NKAIN3: variants seen among roughly 807,000 people sequenced by gnomAD.
The protein encoded by NKAIN3 is sodium/potassium transporting ATPase interacting 3, also known as sodium/potassium-transporting ATPase subunit beta-1-interacting protein 3.
NKAIN3 carries 25 observed loss-of-function variants against 30.2 expected under a neutral mutation model. The ratio of observed to expected loss-of-function variants is 0.83; its 90% confidence interval spans 0.60 to 1.16. The LOEUF (loss-of-function observed/expected upper bound fraction) is 1.16. Ranked by LOEUF, NKAIN3 falls within the 50% of genes most tolerant of loss-of-function variation. The pLI is 0.00. For missense variants in NKAIN3, 225 were observed against 254.1 expected (o/e 0.89, Z 0.78); for synonymous variants, 91 against 89.6 (o/e 1.02, Z -0.09).
Position 62,975,032 on chromosome 8 carries a change from G to C in NKAIN3, c.*9625G>C, listed in dbSNP as rs1231229978. ...AAGCTGACTTGATCATGGTGGGTAAGCTTTTTAATGTACTGCTGCATTTCT... is the reference window on the plus strand; with the variant it reads ...AAGCTGACTTGATCATGGTGGGTAACCTTTTTAATGTACTGCTGCATTTCT... On this transcript the variant is annotated 3_prime_UTR_variant, in exon 7 of 7. Coordinates refer to ENST00000623646, the MANE Select transcript of NKAIN3 (RefSeq NM_001304533.3). 1.3e-5 allele frequency among the ~76,000 whole-genome samples: 2 copies of C among 152,162 alleles called. No individual in the cohort carries two copies. The highest frequency in any genetic ancestry group is 2.4e-5 in the African/African-American group (1 of 41,440).
At chr8:62,690,409 C>T (rs1425349808) in intron 3 of NKAIN3, among the ~76,000 whole-genome samples, 1 of 152,240 alleles carries the variant, frequency 6.6e-6, no homozygotes, top group East Asian at 1.9e-4. Flanking sequence ...ATCACCCTCC[C>T]TCTGTGAATA....
intron 1 of NKAIN3, among the ~76,000 whole-genome samples, chr8:62,569,784 A>AAAAAT (rs1216940557): frequency 2.0e-5 from 3 of 150,712 alleles, no homozygotes; most frequent in Admixed American, 1.3e-4. Flanking sequence ...AAAAAAAAAA[A>AAAAAT]AAGCCTACTT....
intron 3 of NKAIN3, among the ~76,000 whole-genome samples, chr8:62,622,916 A>G (rs149738669): frequency 1.3e-5 from 2 of 151,956 alleles, no homozygotes; most frequent in Admixed American, 6.6e-5. Flanking sequence ...ATTTAAGTCC[A>G]TGATCCATTT....
At chr8:62,753,896 G>A (rs939497993) in intron 4 of NKAIN3, among the ~76,000 whole-genome samples, 2 of 152,064 alleles carry the variant, frequency 1.3e-5, no homozygotes, top group African/African-American at 4.8e-5. Context: ...ACAATTTATA[G>A]TACATCAACT....
Position 62,318,819 on chromosome 8 carries a change from C to G in NKAIN3, c.54+69692C>G, listed in dbSNP as rs1401390724. Among the ~76,000 whole-genome samples the G allele has an allele frequency of 4.6e-5, 7 of 152,230 alleles. No homozygotes were observed. The East Asian group carries it at 7.7e-4, about 17-fold the overall frequency. On this transcript the variant is annotated intron_variant, in intron 1 of 6. Transcript: ENST00000623646. ...CTTTTTTTGTTGTGTCTCTGCCAGG[C>G]TTTGGTATCAGGATGATGCTGGCCT...
In NKAIN3 at chr8:62,984,080, T is replaced by C. The variant is rs1487064117; in HGVS notation, c.*18673T>C. ...TCTTTGGGTTTTTCATTATTGTTTC[T>C]AAAAACTAGATATTATTGCTTTATT... On this transcript the variant is annotated 3_prime_UTR_variant, in exon 7 of 7. Transcript: ENST00000623646. 1 of 152,236 alleles carries C rather than the reference T, an allele frequency of 6.6e-6. No homozygotes were observed. The highest frequency in any genetic ancestry group is 1.5e-5 in the Non-Finnish European group (1 of 68,042). The allele number at this position is 152,236 out of a possible 1,614,324, so 9.4% of individuals were successfully genotyped here.
intron 1 of NKAIN3, 117 bp downstream of exon 1, chr8:62,249,244 C>G (rs566684373): frequency 1.8e-5 from 15 of 833,462 alleles, no homozygotes; most frequent in Middle Eastern, 3.5e-4. Context: ...ACAGGGCGCT[C>G]CGCCCGCCTC....
chr8:62,368,052 C>T (rs1279652855), intron 1 of NKAIN3, among the ~76,000 whole-genome samples: 1 of 152,114 alleles, frequency 6.6e-6, no homozygotes, highest in Non-Finnish European at 1.5e-5. Flanking sequence ...AGCTCAGCAA[C>T]ACTATGAAAG....
chr8:62,886,498 C>G (rs1821152116), intron 4 of NKAIN3, among the ~76,000 whole-genome samples: 2 of 152,138 alleles, frequency 1.3e-5, no homozygotes, highest in South Asian at 4.1e-4. Context: ...TTTCTCTAAC[C>G]TATATTACTT....
chr8:62,585,817 C>A (rs894591376), intron 2 of NKAIN3, among the ~76,000 whole-genome samples: 2 of 152,132 alleles, frequency 1.3e-5, no homozygotes, highest in South Asian at 4.1e-4. Context: ...GCAGTGAAAT[C>A]ATATTTACCC....
At chr8:62,648,712 T>C (rs1812540377) in intron 3 of NKAIN3, among the ~76,000 whole-genome samples, 1 of 152,182 alleles carries the variant, frequency 6.6e-6, no homozygotes. Context: ...TTGCCTCTCA[T>C]TGATCAACAT....
rs997969082 is a variant in NKAIN3, at chr8:62,970,185, A to C, written c.*4778A>C. Among the ~76,000 whole-genome samples the C allele has an allele frequency of 6.6e-6, 1 of 152,260 alleles. No individual in the cohort carries two copies. Among genetic ancestry groups the C allele is most frequent in the East Asian group, 1.9e-4 (1 of 5,190 alleles). On this transcript the variant is annotated 3_prime_UTR_variant, in exon 7 of 7. Coordinates refer to ENST00000623646, the MANE Select transcript of NKAIN3 (RefSeq NM_001304533.3). ...GAGGCTGCAGTGAGTGCACTACTGC[A>C]CTCCAGCCTAGGCAATACAGCAAAA... is the stretch of plus-strand genomic sequence containing the variant.
chr8:62,336,378 A>G (rs922037306), intron 1 of NKAIN3, among the ~76,000 whole-genome samples: 2 of 152,082 alleles, frequency 1.3e-5, no homozygotes, highest in Non-Finnish European at 2.9e-5. Flanking sequence ...CACGTGCAAC[A>G]TTAATGCCAA....
intron 4 of NKAIN3, among the ~76,000 whole-genome samples, chr8:62,874,651 G>T (rs563602860): frequency 6.6e-6 from 1 of 152,138 alleles, no homozygotes; most frequent in Non-Finnish European, 1.5e-5. Flanking sequence ...GGGATGCAAG[G>T]CTGGTTCAAC....
chr8:62,776,183 G>C (rs1817185732), intron 4 of NKAIN3, among the ~76,000 whole-genome samples: 2 of 151,542 alleles, frequency 1.3e-5, no homozygotes, highest in South Asian at 2.1e-4. Context: ...TTCTTCTAGG[G>C]GTCTTATTTG....
At chr8:62,670,860 T>G (rs1813276925) in intron 3 of NKAIN3, among the ~76,000 whole-genome samples, 1 of 147,338 alleles carries the variant, frequency 6.8e-6, no homozygotes. Flanking sequence ...CTGTTTCCTA[T>G]TTTTATGTAC....
At chr8:62,512,448 T>C (rs1286483376) in intron 1 of NKAIN3, among the ~76,000 whole-genome samples, 1 of 152,132 alleles carries the variant, frequency 6.6e-6, no homozygotes, top group Non-Finnish European at 1.5e-5. Flanking sequence ...TTCTCTAATA[T>C]GTGACCATGG....
intron 5 of NKAIN3, among the ~76,000 whole-genome samples, chr8:62,925,115 G>A (rs565103318): frequency 7.9e-5 from 12 of 152,202 alleles, no homozygotes; most frequent in African/African-American, 1.9e-4. Context: ...TCTCCATGCC[G>A]CAGTAGACCC....
intron 3 of NKAIN3, among the ~76,000 whole-genome samples, chr8:62,636,071 G>A (rs952511449): frequency 2.0e-5 from 3 of 152,142 alleles, no homozygotes; most frequent in African/African-American, 7.2e-5. Flanking sequence ...TCAAAGTGAT[G>A]GTAGCTGAAG....
Sources: gnomAD v4.1 joint callset for allele counts (sites outside exome capture counted in the v4.1 genomes callset) on GRCh38, gnomAD v4.1.1 for gene constraint, MANE v1.5 for transcripts, NCBI Gene and HGNC (gene_info 2026-07-23, HGNC 2026-07-21) for gene names.